The following DIAPH3 variants were observed in gnomAD, a reference collection of about 807,000 sequenced individuals.
DIAPH3 encodes diaphanous related formin 3, also known as protein diaphanous homolog 3.
DIAPH3 carries 117 observed loss-of-function variants against 144.3 expected under a neutral mutation model. The observed-to-expected ratio is 0.81, with a 90% CI of 0.70 to 0.95. The LOEUF (loss-of-function observed/expected upper bound fraction) is 0.95. DIAPH3 is among the 40% of genes least tolerant of loss of function. DIAPH3 has a pLI of 0.00. For missense variants in DIAPH3, 1,421 were observed against 1,412.7 expected (o/e 1.01, Z -0.09); for synonymous variants, 519 against 488.9 (o/e 1.06, Z -0.81).
chr13:59,853,661 C>G (rs73196141), intron 22 of DIAPH3, among the ~76,000 whole-genome samples: 8,664 of 152,150 alleles, frequency 0.057, 303 homozygotes, highest in Admixed American at 0.1. Flanking sequence ...ATAAATTACT[C>G]GGTCTCAGGT....
intron 1 of DIAPH3, among the ~76,000 whole-genome samples, chr13:60,134,014 C>T (rs1014267498): frequency 7.2e-5 from 11 of 152,180 alleles, no homozygotes; most frequent in African/African-American, 2.7e-4. Context: ...CACCTTCATG[C>T]TCATGAATCT....
At chr13:59,757,175 G>C (rs1417951764) in intron 27 of DIAPH3, among the ~76,000 whole-genome samples, 2 of 152,050 alleles carry the variant, frequency 1.3e-5, no homozygotes, top group Non-Finnish European at 2.9e-5. Context: ...TTGAGAATTA[G>C]ATGAACGGAC....
chr13:59,920,156 A>C (rs2047436443), intron 18 of DIAPH3, among the ~76,000 whole-genome samples: 1 of 151,982 alleles, frequency 6.6e-6, no homozygotes, highest in Admixed American at 6.6e-5. Context: ...TCTACAAAAC[A>C]ACTAGAAAAC....
At chr13:59,756,701 T>C (rs1319565894) in intron 27 of DIAPH3, among the ~76,000 whole-genome samples, 1 of 152,174 alleles carries the variant, frequency 6.6e-6, no homozygotes, top group East Asian at 1.9e-4. Flanking sequence ...CCCAAAAACC[T>C]TGGGGAAGGA....
intron 5 of DIAPH3, among the ~76,000 whole-genome samples, chr13:60,030,941 G>A (rs2054743386): frequency 6.6e-6 from 1 of 152,204 alleles, no homozygotes; most frequent in Non-Finnish European, 1.5e-5. Flanking sequence ...ACTTAGCCCT[G>A]CAGAGGGACT....
At chr13:60,012,027 C>T (rs1371650324) in intron 7 of DIAPH3, among the ~76,000 whole-genome samples, 1 of 151,996 alleles carries the variant, frequency 6.6e-6, no homozygotes, top group East Asian at 1.9e-4. Flanking sequence ...ACTGACTAAT[C>T]AGAGTTACTA....
At chr13:59,767,538 A>G (rs1309406417) in intron 27 of DIAPH3, among the ~76,000 whole-genome samples, 2 of 152,096 alleles carry the variant, frequency 1.3e-5, no homozygotes, top group Non-Finnish European at 2.9e-5. Flanking sequence ...TACAGAGTTC[A>G]AGGAGCTTCT....
At chr13:59,869,626 C>G (rs1268113968) in intron 21 of DIAPH3, among the ~76,000 whole-genome samples, 4 of 152,158 alleles carry the variant, frequency 2.6e-5, no homozygotes, top group Non-Finnish European at 4.4e-5. Flanking sequence ...GAAAGGCCAT[C>G]TTTTGCATGA....
chr13:59,785,472 G>T (rs920841240), intron 25 of DIAPH3, among the ~76,000 whole-genome samples: 2 of 152,016 alleles, frequency 1.3e-5, no homozygotes, highest in Non-Finnish European at 2.9e-5. Flanking sequence ...CTGTCTCCTT[G>T]TGCCTCCTCA....
At chr13:59,741,101 A>G (rs973398778) in intron 27 of DIAPH3, among the ~76,000 whole-genome samples, 1 of 152,220 alleles carries the variant, frequency 6.6e-6, no homozygotes, top group African/African-American at 2.4e-5. Flanking sequence ...ACTCCTGACA[A>G]GACAAACATG....
intron 4 of DIAPH3, among the ~76,000 whole-genome samples, chr13:60,069,577 C>T (rs2057117697): frequency 6.6e-6 from 1 of 151,936 alleles, no homozygotes; most frequent in Admixed American, 6.6e-5. Flanking sequence ...ATAGTGTTTC[C>T]TAGGTTTTCT....
At chr13:59,669,346 C>G (rs763151863) in intron 27 of DIAPH3, among the ~76,000 whole-genome samples, 1 of 152,140 alleles carries the variant, frequency 6.6e-6, no homozygotes, top group Non-Finnish European at 1.5e-5. Context: ...TTCCATTCTC[C>G]CAGACAACTG....
intron 3 of DIAPH3, among the ~76,000 whole-genome samples, chr13:60,093,991 T>A (rs2058033616): frequency 6.6e-6 from 1 of 152,198 alleles, no homozygotes; most frequent in Non-Finnish European, 1.5e-5. Flanking sequence ...TAAAATTATA[T>A]TCACATAACT....
intron 27 of DIAPH3, among the ~76,000 whole-genome samples, chr13:59,683,275 A>G (rs530003076): frequency 6.1e-4 from 93 of 151,690 alleles, no homozygotes; most frequent in Non-Finnish European, 1.2e-3. Context: ...CAAACCTCTC[A>G]TTTTTTTTCA....
chr13:59,857,531 G>A (rs1018437542), intron 22 of DIAPH3, among the ~76,000 whole-genome samples: 1 of 151,980 alleles, frequency 6.6e-6, no homozygotes, highest in East Asian at 1.9e-4. Context: ...GAGAAATATG[G>A]CAAAAATTAA....
chr13:59,674,656 C>T (rs1223236636), intron 27 of DIAPH3, among the ~76,000 whole-genome samples: 1 of 152,178 alleles, frequency 6.6e-6, no homozygotes, highest in East Asian at 1.9e-4. Context: ...CCAGCCCTGA[C>T]AACAGAGCTC....
At chr13:60,025,008 T>C (rs2054281273) in intron 5 of DIAPH3, among the ~76,000 whole-genome samples, 1 of 151,982 alleles carries the variant, frequency 6.6e-6, no homozygotes, top group Non-Finnish European at 1.5e-5. Context: ...ATAATGCCAG[T>C]GGGGAGGGGG....
At chr13:59,896,019 T>C (rs558902759) in intron 20 of DIAPH3, among the ~76,000 whole-genome samples, 2 of 152,318 alleles carry the variant, frequency 1.3e-5, no homozygotes, top group South Asian at 4.1e-4. Flanking sequence ...CCTGTGTGCA[T>C]CTAATTCTTT....
intron 10 of DIAPH3, 81 bp from the exon 11 acceptor site, chr13:59,992,267 C>T (rs1457363219): frequency 3.3e-6 from 4 of 1,224,966 alleles, no homozygotes; most frequent in Non-Finnish European, 4.7e-6. Flanking sequence ...AAACAATAAA[C>T]CAACCATTCA....
Sources: allele counts gnomAD v4.1 joint callset (sites outside exome capture counted in the v4.1 genomes callset), GRCh38; gene constraint gnomAD v4.1.1; transcripts MANE v1.5; gene names NCBI Gene and HGNC (gene_info 2026-07-23, HGNC 2026-07-21).